Variants in TBC1D8 observed in about 807,000 individuals in gnomAD.
TBC1D8 encodes the protein BUB2-like protein 1.
TBC1D8 carries 65 observed loss-of-function variants against 118.8 expected under a neutral mutation model. That is an observed-to-expected ratio of 0.55 (90% CI 0.45 to 0.67). The LOEUF is 0.67. Ranked by LOEUF, TBC1D8 falls within the 30% of genes least tolerant of loss-of-function variation. TBC1D8 has a pLI of 0.00. For synonymous variants in TBC1D8, 566 were observed against 595.8 expected (o/e 0.95, Z 0.73); for missense variants, 1,376 against 1,471.2 (o/e 0.94, Z 1.06).
intron 1 of TBC1D8, among the ~76,000 whole-genome samples, chr2:101,114,570 A>G (rs1677737900): frequency 6.6e-6 from 1 of 152,220 alleles, no homozygotes; most frequent in South Asian, 2.1e-4. Flanking sequence ...TATGTCCTTC[A>G]GTAATTTGCA....
chr2:101,057,010 C>T (rs1045625097), intron 3 of TBC1D8, among the ~76,000 whole-genome samples: 1 of 152,316 alleles, frequency 6.6e-6, no homozygotes, highest in East Asian at 1.9e-4. Context: ...CACTCCCCAG[C>T]CCTGCCTCCT....
chr2:101,121,924 G>A (rs1678128879), intron 1 of TBC1D8, among the ~76,000 whole-genome samples: 1 of 152,004 alleles, frequency 6.6e-6, no homozygotes, highest in African/African-American at 2.4e-5. Context: ...AAATCAGCCA[G>A]GCATGGCGGC....
intron 19 of TBC1D8, among the ~76,000 whole-genome samples, chr2:101,009,971 G>C (rs372380757): frequency 6.6e-6 from 1 of 151,742 alleles, no homozygotes; most frequent in Non-Finnish European, 1.5e-5. Flanking sequence ...ACAGGCGCCC[G>C]CCACCACGTC....
At chr2:101,124,102 G>GC (rs1678247562) in intron 1 of TBC1D8, among the ~76,000 whole-genome samples, 1 of 152,196 alleles carries the variant, frequency 6.6e-6, no homozygotes, top group African/African-American at 2.4e-5. Flanking sequence ...AAGAACTGAA[G>GC]CCATAAACCC....
chr2:101,056,821 G>C (rs1682466457), intron 3 of TBC1D8, among the ~76,000 whole-genome samples: 1 of 152,142 alleles, frequency 6.6e-6, no homozygotes, highest in Non-Finnish European at 1.5e-5. Flanking sequence ...CTTCCTTGAA[G>C]TGTGGTTTCT....
chr2:101,054,066 G>C (rs765478854), intron 4 of TBC1D8, 42 bp downstream of exon 4: 6 of 1,564,486 alleles, frequency 3.8e-6, no homozygotes, highest in Non-Finnish European at 5.2e-6. Context: ...TGAGTCCCTG[G>C]GGCCAACTTT....
At chr2:101,015,081 G>A (rs1024673469) in intron 17 of TBC1D8, among the ~76,000 whole-genome samples, 1 of 152,184 alleles carries the variant, frequency 6.6e-6, no homozygotes, top group Admixed American at 6.5e-5. Context: ...CCTAGATGCT[G>A]TAGCCTACTA....
chr2:101,021,039 T>C (rs1679999607), intron 17 of TBC1D8, among the ~76,000 whole-genome samples: 1 of 152,120 alleles, frequency 6.6e-6, no homozygotes, highest in Non-Finnish European at 1.5e-5. Context: ...CACCAGGATA[T>C]CATGGCTCTA....
intron 1 of TBC1D8, among the ~76,000 whole-genome samples, chr2:101,100,755 C>A (rs1465578893): frequency 1.3e-5 from 2 of 152,168 alleles, no homozygotes; most frequent in East Asian, 3.9e-4. Context: ...ACCATCTGAT[C>A]TTCAACAAAC....
intron 3 of TBC1D8, 74 bp from the exon 4 acceptor site, chr2:101,054,410 CA>C: frequency 8.8e-6 from 13 of 1,472,152 alleles, no homozygotes; most frequent in Non-Finnish European, 1.1e-5. Context: ...GGACAGGAAG[CA>C]GGAGGGACTG....
At chr2:101,011,955 G>A (rs967925910) in intron 17 of TBC1D8, among the ~76,000 whole-genome samples, 2 of 152,166 alleles carry the variant, frequency 1.3e-5, no homozygotes, top group Non-Finnish European at 2.9e-5. Context: ...AACTTTTCAG[G>A]ATAGTATTTC....
intron 5 of TBC1D8, among the ~76,000 whole-genome samples, chr2:101,043,771 C>G (rs1304297831): frequency 3.3e-5 from 5 of 152,088 alleles, no homozygotes; most frequent in African/African-American, 1.2e-4. Context: ...GAAACCCCGC[C>G]TCTACTAAAA....
Position 101,022,389 on chromosome 2 carries a change from G to A in TBC1D8, c.2653C>T (p.Pro885Ser). ...TCCGTGTGGGCCCCGCAGGTCCAGGGCGAGACTAGCTGAAACAGGTGTGCA... is the reference window on the plus strand; with the variant it reads ...TCCGTGTGGGCCCCGCAGGTCCAGGACGAGACTAGCTGAAACAGGTGTGCA... ...QFAHLFQLVSPWTCGAHTEIL... is the reference protein window; with the variant it reads ...QFAHLFQLVSSWTCGAHTEIL... The change falls in exon 16 of 20, where the codon CCC becomes TCC. Residue 885 changes from proline to serine, a missense_variant. Physicochemically the swap from Pro to Ser is moderately conservative, Grantham distance 74. Coordinates refer to ENST00000409318, the MANE Select transcript of TBC1D8 (RefSeq NM_001330348.2). 1 of 1,613,438 alleles carries A rather than the reference G, an allele frequency of 6.2e-7. No homozygotes were observed.
intron 1 of TBC1D8, chr2:101,109,866 C>G (rs1429205966): frequency 1.0e-6 from 1 of 985,360 alleles, no homozygotes; most frequent in Admixed American, 6.1e-5. Flanking sequence ...GACTGACTTT[C>G]CCTCCACAAG....
At chr2:101,100,657 A>G (rs1234704281) in intron 1 of TBC1D8, among the ~76,000 whole-genome samples, 2 of 152,324 alleles carry the variant, frequency 1.3e-5, no homozygotes, top group East Asian at 3.9e-4. Flanking sequence ...GGCTACAGTA[A>G]CCAAAACAGC....
chr2:101,026,294 A>T (rs1029007444), intron 15 of TBC1D8, among the ~76,000 whole-genome samples: 1 of 152,240 alleles, frequency 6.6e-6, no homozygotes, highest in African/African-American at 2.4e-5. Context: ...TCCTTCCTTG[A>T]AAGCCAAAAT....
rs150649493 is a variant in TBC1D8 at position 101,148,294 on chromosome 2, C to T, written c.127+2833G>A. Among the ~76,000 whole-genome samples the T allele has an allele frequency of 2.0e-5, 3 of 152,344 alleles. No homozygotes were observed. The East Asian group carries it at 5.8e-4, about 29-fold the overall frequency. On this transcript the variant is annotated intron_variant, in intron 1 of 19. Coordinates refer to ENST00000409318, the MANE Select transcript of TBC1D8 (RefSeq NM_001330348.2). ...GAAATGCTGGGCCTCTACTCCCACC[C>T]AACTTTTAAGAAAAAAGTGGGATCC...
chr2:101,027,286 C>T, intron 15 of TBC1D8, 97 bp downstream of exon 15: 1 of 1,142,800 alleles, frequency 8.8e-7, no homozygotes, highest in Non-Finnish European at 1.3e-6. Flanking sequence ...TCCACGGAGC[C>T]CTGCAGGCAG....
intron 1 of TBC1D8, among the ~76,000 whole-genome samples, chr2:101,150,750 C>T (rs1679521731): frequency 6.6e-6 from 1 of 152,172 alleles, no homozygotes; most frequent in South Asian, 2.1e-4. Context: ...TGGCTCGGCG[C>T]ACCCCGCTGT....
Sources: allele counts gnomAD v4.1 joint callset (sites outside exome capture counted in the v4.1 genomes callset), GRCh38; gene constraint gnomAD v4.1.1; transcripts MANE v1.5; gene names NCBI Gene and HGNC (gene_info 2026-07-23, HGNC 2026-07-21).